Variants in RRAGB observed in about 807,000 individuals in gnomAD.
RRAGB encodes the protein ras-related GTP-binding protein B.
A neutral mutation model predicts 29.3 loss-of-function variants in RRAGB; 6 were observed. The ratio of observed to expected loss-of-function variants is 0.21; its 90% CI spans 0.11 to 0.40. The LOEUF (loss-of-function observed/expected upper bound fraction) is 0.40, where lower values mean the gene tolerates loss of function less well. Among genes scored for constraint, RRAGB ranks in the 10% least tolerant of loss-of-function variants. The pLI is 1.00. For synonymous variants in RRAGB, 101 were observed against 92.5 expected, an observed-to-expected ratio of 1.09 and a Z score of -0.53; for missense variants, 184 against 272.9, an observed-to-expected ratio of 0.67 and a Z score of 2.29.
At chrX:55,720,424 C>T (rs892928277) in intron 2 of RRAGB, among the ~76,000 whole-genome samples, 3 of 112,286 alleles carry the variant, frequency 2.7e-5, no homozygotes, top group Admixed American at 9.4e-5. Flanking sequence ...TATATAGCTA[C>T]ATTTTTAGAT....
chrX:55,756,839 C>T (rs1486244142), intron 8 of RRAGB, among the ~76,000 whole-genome samples: 1 of 111,394 alleles, frequency 9.0e-6, no homozygotes, highest in Admixed American at 9.5e-5. Context: ...CTCTGTAGTC[C>T]CAGCTACTTG....
chrX:55,755,683 G>C, intron 7 of RRAGB, 158 bp from the exon 8 acceptor site: 1 of 1,013,317 alleles, frequency 9.9e-7, no homozygotes. Context: ...ACAGAATGTT[G>C]ATAATATATA....
intron 8 of RRAGB, 23 bp from the exon 9 acceptor site, chrX:55,757,193 C>G: frequency 2.2e-6 from 2 of 899,506 alleles, no homozygotes; most frequent in Non-Finnish European, 3.2e-6. Flanking sequence ...ATTCTTTAAC[C>G]TCTCTTCTTC....
rs2033123636 is a variant in RRAGB, at chrX:55,718,241, G to T, written c.-87G>T. The T allele has an allele frequency of 7.2e-6, 5 of 690,901 alleles. No individual in the cohort carries two copies. Among genetic ancestry groups the T allele is most frequent in the Non-Finnish European group, 1.1e-5 (5 of 469,265 alleles). The allele number at this position is 690,901 out of a possible 1,213,427, so 56.9% of individuals were successfully genotyped here. On this transcript the variant is annotated 5_prime_UTR_variant, in exon 1 of 10. Coordinates refer to ENST00000374941, the MANE Select transcript of RRAGB (RefSeq NM_006064.5). The stretch of plus-strand genomic sequence containing the variant: ...TAGGCGATGAGAATAGGCAGTTGAG[G>T]GGTGAAAAAGAAAACAAACAAACAA...
At chrX:55,758,041 A>G (rs1338274024) in intron 9 of RRAGB, among the ~76,000 whole-genome samples, 1 of 112,249 alleles carries the variant, frequency 8.9e-6, no homozygotes, top group Non-Finnish European at 1.9e-5. Flanking sequence ...TTGGAAATTT[A>G]TTTTGGAAAT....
intron 3 of RRAGB, among the ~76,000 whole-genome samples, chrX:55,724,423 C>G (rs912066479): frequency 8.9e-6 from 1 of 111,939 alleles, no homozygotes; most frequent in Non-Finnish European, 1.9e-5. Context: ...TTTCCTAACT[C>G]TAATATCTGA....
chrX:55,743,573 C>T (rs1208291077), intron 5 of RRAGB, among the ~76,000 whole-genome samples: 3 of 112,790 alleles, frequency 2.7e-5, no homozygotes, highest in Non-Finnish European at 3.8e-5. Flanking sequence ...GAGAAAGGGG[C>T]TGAACAGGTC....
In RRAGB at chrX:55,758,654, A is replaced by G. The variant is rs1315900797; in HGVS notation, c.*311A>G. 2 of 163,090 alleles carry G rather than the reference A, an allele frequency of 1.2e-5. No homozygotes were observed. The highest frequency in any genetic ancestry group is 2.3e-5 in the Non-Finnish European group (2 of 85,901). The allele number at this position is 163,090 out of a possible 1,213,427, so 13.4% of individuals were successfully genotyped here. A position where few individuals can be genotyped will look rare whatever the true frequency, so the allele number is the denominator to read the frequency against. ...TGTGTTTGCCCAAGCCTTTCTCGGC[A>G]TCATCTTGTATTCCTTATCAGATAG... is the stretch of plus-strand genomic sequence containing the variant. On this transcript the variant is annotated 3_prime_UTR_variant, in exon 10 of 10. Transcript: ENST00000374941.
intron 6 of RRAGB, 65 bp from the exon 7 acceptor site, chrX:55,753,327 C>G: frequency 9.6e-7 from 1 of 1,044,565 alleles, no homozygotes. Context: ...AGTGTACTTA[C>G]TAATTTCAAA....
chrX:55,753,339 G>C lies in RRAGB; in HGVS notation c.613-53G>C. Reference sequence around the variant, plus strand: ...TATAGTGTACTTACTAATTTCAAAGGTCTGGGACTGACTAGCTGTTAATAA... The same window carrying C: ...TATAGTGTACTTACTAATTTCAAAGCTCTGGGACTGACTAGCTGTTAATAA... On this transcript the variant is annotated intron_variant, in intron 6 of 9. Coordinates refer to ENST00000374941, the MANE Select transcript of RRAGB (RefSeq NM_006064.5). 3 of 1,125,174 alleles carry C rather than the reference G, an allele frequency of 2.7e-6. No homozygotes were observed. In the Admixed American group the frequency reaches 6.7e-5, roughly 25 times the overall value. 92.7% of individuals were successfully genotyped at this position (1,125,174 alleles called of 1,213,427 possible). A position where few individuals can be genotyped will look rare whatever the true frequency, so the allele number is the denominator to read the frequency against.
At chrX:55,753,593 CT>C in intron 7 of RRAGB, 79 bp downstream of exon 7, 2 of 957,066 alleles carry the variant, frequency 2.1e-6, no homozygotes, top group Non-Finnish European at 2.9e-6. Flanking sequence ...CATGTCACTA[CT>C]TTCAGGAAGA....
rs745892188 is a variant in RRAGB, at chrX:55,729,312, A to G, written c.245A>G (p.His82Arg). 8.4e-7 allele frequency: 1 copy of G among 1,197,151 alleles called. No individual in the cohort carries two copies. Among genetic ancestry groups the G allele is most frequent in the South Asian group, 1.8e-5 (1 of 56,420 alleles). The change falls in exon 4 of 10, where the codon CAT becomes CGT. Residue 82 changes from histidine (H) to arginine (R), a missense_variant. Physicochemically the swap from His to Arg is conservative, Grantham distance 29 (BLOSUM62 0). Transcript: ENST00000374941. ...LGATIDVEHS[H>R]VRFLGNLVLN... ...CTTCCAGTTGATGTAGAACATTCTC[A>G]TGTTCGATTTCTGGGAAACCTGGTA... is the stretch of plus-strand genomic sequence containing the variant.
At chrX:55,754,971 C>T (rs2034622850) in intron 7 of RRAGB, 2 of 363,637 alleles carry the variant, frequency 5.5e-6, no homozygotes, top group Non-Finnish European at 7.1e-6. Flanking sequence ...CAGCAGTATT[C>T]CCCTACTATG....
intron 3 of RRAGB, among the ~76,000 whole-genome samples, chrX:55,723,854 G>A (rs1417117712): frequency 8.9e-6 from 1 of 112,137 alleles, no homozygotes; most frequent in Non-Finnish European, 1.9e-5. Context: ...CACCATGCCC[G>A]GCCATCTTGC....
intron 5 of RRAGB, among the ~76,000 whole-genome samples, chrX:55,742,658 A>G (rs1221893772): frequency 9.0e-6 from 1 of 111,267 alleles, no homozygotes; most frequent in African/African-American, 3.3e-5. Flanking sequence ...TGGTAGACAC[A>G]TTTCTGCCTT....
At chrX:55,723,446 T>G (rs1231806645) in intron 3 of RRAGB, among the ~76,000 whole-genome samples, 1 of 109,604 alleles carries the variant, frequency 9.1e-6, no homozygotes, top group Non-Finnish European at 1.9e-5. Context: ...CTGGCCTATT[T>G]CTTTTTTTTT....
At chrX:55,735,515 A>T (rs1054981480) in intron 5 of RRAGB, among the ~76,000 whole-genome samples, 7 of 112,454 alleles carry the variant, frequency 6.2e-5, no homozygotes, top group Non-Finnish European at 1.3e-4. Flanking sequence ...TTTACAAGTT[A>T]ACTGGGTCTC....
chrX:55,724,075 T>C (rs1480356930), intron 3 of RRAGB, among the ~76,000 whole-genome samples: 1 of 112,446 alleles, frequency 8.9e-6, no homozygotes, highest in Non-Finnish European at 1.9e-5. Flanking sequence ...TAGCACAGTC[T>C]AACATGTATC....
intron 5 of RRAGB, among the ~76,000 whole-genome samples, chrX:55,733,605 T>G (rs1309286200): frequency 2.7e-5 from 3 of 112,236 alleles, no homozygotes; most frequent in Non-Finnish European, 5.6e-5. Context: ...CAAATCACAT[T>G]TATTGACTTG....
Sources: allele counts gnomAD v4.1 joint callset (sites outside exome capture counted in the v4.1 genomes callset), GRCh38; gene constraint gnomAD v4.1.1; transcripts MANE v1.5; gene names NCBI Gene and HGNC (gene_info 2026-07-23, HGNC 2026-07-21).